The following THSD4 variants were observed in gnomAD, a reference collection of about 807,000 sequenced individuals.
The protein encoded by THSD4 is thrombospondin type 1 domain containing 4, also known as thrombospondin type-1 domain-containing protein 4.
A neutral mutation model predicts 119.0 loss-of-function variants in THSD4; 69 were observed. The ratio of observed to expected loss-of-function variants is 0.58; its 90% CI spans 0.48 to 0.71. The LOEUF is 0.71. THSD4 is among the 30% of genes least tolerant of loss of function. THSD4 has a pLI of 0.00. For synonymous variants in THSD4, 524 were observed against 540.4 expected (o/e 0.97, Z 0.42); for missense variants, 1,393 against 1,391.1 (o/e 1.00, Z -0.02).
chr15:71,354,804 G>T (rs570781254), intron 6 of THSD4, among the ~76,000 whole-genome samples: 33 of 152,170 alleles, frequency 2.2e-4, no homozygotes, highest in Non-Finnish European at 4.3e-4. Context: ...CTACATCACT[G>T]TCCAGACAAG....
At chr15:71,674,226 G>C (rs190843342) in intron 8 of THSD4, among the ~76,000 whole-genome samples, 1 of 152,248 alleles carries the variant, frequency 6.6e-6, no homozygotes, top group Admixed American at 6.5e-5. Flanking sequence ...CTCTTATGTG[G>C]TCTCCAGTTC....
In THSD4 at chr15:71,313,904, C is replaced by G. The variant is rs991017492; in HGVS notation, c.1015+57189C>G. Among the ~76,000 whole-genome samples the G allele has an allele frequency of 3.3e-5, 5 of 152,186 alleles. No individual in the cohort carries two copies. In the South Asian group the frequency reaches 6.2e-4, roughly 19 times the overall value. On this transcript the variant is annotated intron_variant, in intron 6 of 17. Coordinates refer to ENST00000261862, the MANE Select transcript of THSD4 (RefSeq NM_024817.3). ...CTTAGGTAGTTAGAAAAAAACACAG[C>G]ATGGGCTCCTACTAACAAAAGCAGA...
intron 6 of THSD4, among the ~76,000 whole-genome samples, chr15:71,382,918 T>C (rs1364263556): frequency 6.6e-6 from 1 of 152,248 alleles, no homozygotes; most frequent in East Asian, 1.9e-4. Flanking sequence ...CTTAGACATT[T>C]AATAAGTATC....
chr15:71,709,880 T>A (rs1186761881), intron 8 of THSD4, among the ~76,000 whole-genome samples: 1 of 152,114 alleles, frequency 6.6e-6, no homozygotes, highest in African/African-American at 2.4e-5. Flanking sequence ...AAAAAACTTT[T>A]CAGGTGCTTG....
intron 7 of THSD4, among the ~76,000 whole-genome samples, chr15:71,615,632 C>T (rs72740657): frequency 0.18 from 26,687 of 152,050 alleles, 2,904 homozygotes; most frequent in Non-Finnish European, 0.24. Flanking sequence ...CTTCCTTAGG[C>T]CCCAAGAATA....
intron 14 of THSD4, among the ~76,000 whole-genome samples, chr15:71,752,214 T>C (rs1286299387): frequency 6.6e-6 from 1 of 152,208 alleles, no homozygotes; most frequent in Admixed American, 6.5e-5. Flanking sequence ...CATTCCTCTG[T>C]GTGTCTCCCA....
At chr15:71,738,042 G>A in intron 11 of THSD4, 35 bp downstream of exon 11, 1 of 1,609,166 alleles carries the variant, frequency 6.2e-7, no homozygotes. Context: ...GATCCCTGCA[G>A]AACCCTAAGC....
chr15:71,110,684 C>T (rs1343698), upstream of THSD4: 36,493 of 167,696 alleles, frequency 0.22, 5,211 homozygotes, highest in African/African-American at 0.42. Flanking sequence ...CTTTTGTGGA[C>T]TCTGAAGCCA....
chr15:71,306,865 T>C (rs2045037683), intron 6 of THSD4, among the ~76,000 whole-genome samples: 1 of 152,222 alleles, frequency 6.6e-6, no homozygotes, highest in Non-Finnish European at 1.5e-5. Flanking sequence ...AATATCCTTG[T>C]TGCACTTCTC....
intron 2 of THSD4, among the ~76,000 whole-genome samples, chr15:71,143,310 T>C (rs1025003711): frequency 3.9e-5 from 6 of 152,106 alleles, no homozygotes; most frequent in African/African-American, 1.4e-4. Context: ...TTAAAAGATA[T>C]TTCAAGACAT....
rs535770789 is a variant in THSD4, at chr15:71,319,529, C to T, written c.1015+62814C>T. Among the ~76,000 whole-genome samples the T allele has an allele frequency of 5.2e-4, 79 of 151,910 alleles. 2 individuals carry two copies. Among genetic ancestry groups the T allele is most frequent in the African/African-American group, 1.6e-3 (66 of 41,396 alleles). On this transcript the variant is annotated intron_variant, in intron 6 of 17. Transcript: ENST00000261862. ...TTTTCTGTCCTTGTGATAGTTTGCT[C>T]AGAATGATGGTTTCCAGCTTCATCC...
intron 8 of THSD4, among the ~76,000 whole-genome samples, chr15:71,671,296 CTG>C (rs2051522842): frequency 6.6e-6 from 1 of 152,172 alleles, no homozygotes; most frequent in Admixed American, 6.5e-5. Context: ...TGAGAAGTGT[CTG>C]TTCATATCCT....
chr15:71,482,198 C>G (rs542546935), intron 7 of THSD4, among the ~76,000 whole-genome samples: 1 of 152,128 alleles, frequency 6.6e-6, no homozygotes, highest in Admixed American at 6.5e-5. Flanking sequence ...GGTATCATCT[C>G]TACTGATTCT....
chr15:71,267,170 C>T (rs1364177970), intron 6 of THSD4, among the ~76,000 whole-genome samples: 1 of 152,150 alleles, frequency 6.6e-6, no homozygotes, highest in African/African-American at 2.4e-5. Context: ...GTCAGATTCA[C>T]CAACGTTGAA....
intron 7 of THSD4, among the ~76,000 whole-genome samples, chr15:71,597,734 T>C (rs956734207): frequency 6.6e-6 from 1 of 152,126 alleles, no homozygotes; most frequent in African/African-American, 2.4e-5. Flanking sequence ...GCTCGACGCC[T>C]TATGTGAGAA....
chr15:71,510,699 C>T (rs371834769), intron 7 of THSD4, among the ~76,000 whole-genome samples: 4 of 152,188 alleles, frequency 2.6e-5, no homozygotes, highest in African/African-American at 9.7e-5. Flanking sequence ...TGTTCTGTTA[C>T]GGACCACGGT....
chr15:71,204,692 A>G (rs935879085), intron 3 of THSD4, among the ~76,000 whole-genome samples: 2 of 151,846 alleles, frequency 1.3e-5, no homozygotes, highest in East Asian at 3.9e-4. Flanking sequence ...CCACGAGTCC[A>G]CCCTTTCCTC....
chr15:71,396,020 A>G (rs1479514411), intron 6 of THSD4, among the ~76,000 whole-genome samples: 1 of 151,528 alleles, frequency 6.6e-6, no homozygotes, highest in African/African-American at 2.4e-5. Flanking sequence ...GGACCCACGC[A>G]TTCAAGTGCC....
At chr15:71,412,137 C>T (rs934766387) in intron 7 of THSD4, among the ~76,000 whole-genome samples, 7 of 152,136 alleles carry the variant, frequency 4.6e-5, no homozygotes, top group South Asian at 2.1e-4. Flanking sequence ...GCCTGTGAAA[C>T]GGAGGTTATG....
Sources: gnomAD v4.1 joint callset for allele counts (sites outside exome capture counted in the v4.1 genomes callset) on GRCh38, gnomAD v4.1.1 for gene constraint, MANE v1.5 for transcripts, NCBI Gene and HGNC (gene_info 2026-07-23, HGNC 2026-07-21) for gene names.